Variants in THRB observed in about 807,000 individuals in gnomAD.
The protein encoded by THRB is nuclear receptor subfamily 1 group A member 2.
THRB carries 12 observed loss-of-function variants against 47.8 expected under a neutral mutation model. The ratio of observed to expected loss-of-function variants is 0.25; its 90% CI spans 0.16 to 0.41. THRB has a LOEUF of 0.41. THRB is among the 10% of genes least tolerant of loss of function. The pLI, the probability that THRB is intolerant of heterozygous loss-of-function variation, is 1.00. For synonymous variants in THRB, 218 were observed against 212.2 expected, an observed-to-expected ratio of 1.03 and a Z score of -0.24; for missense variants, 348 against 589.2, an observed-to-expected ratio of 0.59 and a Z score of 4.24.
chr3:24,354,192 T>C (rs1410296555), intron 1 of THRB, among the ~76,000 whole-genome samples: 1 of 152,012 alleles, frequency 6.6e-6, no homozygotes, highest in Non-Finnish European at 1.5e-5. Flanking sequence ...CATGGACACA[T>C]AAAGGGGAGC....
At position 24,330,149 on chromosome 3, in the gene THRB, C is replaced by CA. The variant is rs373239958; in HGVS notation, c.-189+7150dup. Reference sequence around the variant, plus strand: ...TGAAACCCCGTCTCTACTAAAAATACAAAAAAAATTAGCCGGGCGCGGTGG... The same window carrying CA: ...TGAAACCCCGTCTCTACTAAAAATACAAAAAAAAATTAGCCGGGCGCGGTGG... On this transcript the variant is annotated intron_variant, in intron 2 of 10. Transcript: ENST00000646209. Among the ~76,000 whole-genome samples, 47 of 151,212 alleles carry CA rather than the reference C, an allele frequency of 3.1e-4. 1 individual carries two copies. The South Asian group carries it at 7.4e-3, about 24-fold the overall frequency.
At chr3:24,263,590 A>G (rs1433285329) in intron 3 of THRB, among the ~76,000 whole-genome samples, 1 of 151,100 alleles carries the variant, frequency 6.6e-6, no homozygotes, top group Non-Finnish European at 1.5e-5. Flanking sequence ...ACTAGATAGT[A>G]AACTTCATGT....
intron 4 of THRB, among the ~76,000 whole-genome samples, chr3:24,213,630 G>T (rs2046282591): frequency 1.3e-5 from 2 of 152,124 alleles, no homozygotes; most frequent in Admixed American, 1.3e-4. Context: ...AAAGGATCCA[G>T]GAGCTTTAGT....
chr3:24,478,908 T>C (rs996158900), intron 1 of THRB, among the ~76,000 whole-genome samples: 2 of 152,132 alleles, frequency 1.3e-5, no homozygotes, highest in Non-Finnish European at 2.9e-5. Flanking sequence ...TACTAGGCAA[T>C]GTCTAGAGAA....
At chr3:24,137,238 T>C (rs1019047591) in intron 8 of THRB, among the ~76,000 whole-genome samples, 2 of 152,200 alleles carry the variant, frequency 1.3e-5, no homozygotes, top group Non-Finnish European at 2.9e-5. Context: ...AGAATGCTTA[T>C]TGGTTGAGTG....
intron 3 of THRB, among the ~76,000 whole-genome samples, chr3:24,274,841 A>G (rs1412355745): frequency 6.6e-6 from 1 of 152,106 alleles, no homozygotes; most frequent in Non-Finnish European, 1.5e-5. Context: ...TACATATCAC[A>G]TATATTATTT....
intron 5 of THRB, among the ~76,000 whole-genome samples, chr3:24,161,216 C>G (rs879281145): frequency 3.3e-5 from 5 of 152,340 alleles, no homozygotes; most frequent in Admixed American, 3.3e-4. Flanking sequence ...TTTCTCTGAA[C>G]AGCATGTGTG....
intron 1 of THRB, among the ~76,000 whole-genome samples, chr3:24,338,327 A>T (rs1298556427): frequency 6.6e-6 from 1 of 152,212 alleles, no homozygotes; most frequent in Non-Finnish European, 1.5e-5. Context: ...TTTCAAGACC[A>T]CTATTTTTCC....
At chr3:24,281,733 G>C (rs537261193) in intron 3 of THRB, among the ~76,000 whole-genome samples, 7,214 of 134,212 alleles carry the variant, frequency 0.054, 672 homozygotes, top group African/African-American at 0.19. Flanking sequence ...TAAAAGGATG[G>C]AGGAAGATCT....
chr3:24,434,989 A>C (rs2070797307), intron 1 of THRB, among the ~76,000 whole-genome samples: 1 of 152,198 alleles, frequency 6.6e-6, no homozygotes, highest in South Asian at 2.1e-4. Context: ...TTTTTTAAGA[A>C]AATAGGTAAA....
At chr3:24,419,849 G>T (rs2069080875) in intron 1 of THRB, among the ~76,000 whole-genome samples, 1 of 151,812 alleles carries the variant, frequency 6.6e-6, no homozygotes, top group Non-Finnish European at 1.5e-5. Context: ...TATTTCTGCA[G>T]AGGTAGAAAA....
At chr3:24,208,794 G>A (rs537269392) in intron 4 of THRB, among the ~76,000 whole-genome samples, 1 of 152,206 alleles carries the variant, frequency 6.6e-6, no homozygotes, top group African/African-American at 2.4e-5. Flanking sequence ...CATGGGCAAG[G>A]ACTTCATGTC....
chr3:24,117,502 A>T lies in THRB; in HGVS notation c.*5382T>A, dbSNP rs746972820. The T allele has an allele frequency of 1.7e-4, 26 of 152,220 alleles. No individual in the cohort carries two copies. The highest frequency in any genetic ancestry group is 3.4e-4 in the Non-Finnish European group (23 of 68,044). The allele number at this position is 152,220 out of a possible 1,614,324, so 9.4% of individuals were successfully genotyped here. On this transcript the variant is annotated 3_prime_UTR_variant, in exon 11 of 11. Coordinates refer to ENST00000646209, the MANE Select transcript of THRB (RefSeq NM_001354712.2). ...TGATTGGCTCAGGAATGGGCACATG[A>T]CTGAACTTGGGCCAGTGAGAATTAG...
At chr3:24,352,003 T>C (rs2063386283) in intron 1 of THRB, among the ~76,000 whole-genome samples, 1 of 152,112 alleles carries the variant, frequency 6.6e-6, no homozygotes, top group African/African-American at 2.4e-5. Flanking sequence ...CAACTGACAA[T>C]GAAGAATGGT....
At chr3:24,461,797 G>C (rs1021698869) in intron 1 of THRB, among the ~76,000 whole-genome samples, 13 of 152,114 alleles carry the variant, frequency 8.5e-5, no homozygotes, top group African/African-American at 3.1e-4. Context: ...TTTATTGTCA[G>C]CTATGTTCAA....
chr3:24,245,345 C>T (rs1576271950), intron 3 of THRB, among the ~76,000 whole-genome samples: 1 of 152,140 alleles, frequency 6.6e-6, no homozygotes, highest in East Asian at 1.9e-4. Flanking sequence ...GCACATCACT[C>T]AGCTGGGTGC....
intron 1 of THRB, among the ~76,000 whole-genome samples, chr3:24,374,201 T>A (rs1577169360): frequency 6.6e-6 from 1 of 150,692 alleles, no homozygotes; most frequent in South Asian, 2.1e-4. Flanking sequence ...TGGTGTAGAT[T>A]TAGTTTGTAC....
At chr3:24,393,621 T>C (rs576403288) in intron 1 of THRB, among the ~76,000 whole-genome samples, 17 of 152,124 alleles carry the variant, frequency 1.1e-4, no homozygotes, top group Non-Finnish European at 1.3e-4. Context: ...TCCTTGCATA[T>C]TCACAGTAAA....
chr3:24,135,820 C>CATATATATATATATATATATATATATAT (rs34338818), intron 8 of THRB, among the ~76,000 whole-genome samples: 2 of 98,482 alleles, frequency 2.0e-5, no homozygotes, highest in African/African-American at 4.8e-5. Flanking sequence ...GGCAGAGAGT[C>CATATATATATATATATATATATATATAT]ATATATATAT....
Sources: gnomAD v4.1 joint callset for allele counts (sites outside exome capture counted in the v4.1 genomes callset) on GRCh38, gnomAD v4.1.1 for gene constraint, MANE v1.5 for transcripts, NCBI Gene and HGNC (gene_info 2026-07-23, HGNC 2026-07-21) for gene names.